MED1: variants seen among roughly 807,000 people sequenced by gnomAD.
MED1 encodes the protein mediator of RNA polymerase II transcription subunit 1.
A neutral mutation model predicts 121.3 loss-of-function variants in MED1; 17 were observed. That is an observed-to-expected ratio of 0.14 (90% CI 0.10 to 0.21). The LOEUF (loss-of-function observed/expected upper bound fraction) is 0.21, where lower values mean the gene tolerates loss of function less well. Ranked by LOEUF, MED1 falls within the 10% of genes least tolerant of loss-of-function variation. The pLI is 1.00. For synonymous variants in MED1, 661 were observed against 694.4 expected (o/e 0.95, Z 0.76); for missense variants, 1,558 against 1,919.4 (o/e 0.81, Z 3.52).
chr17:39,416,929 T>C (rs1031960303), intron 14 of MED1, among the ~76,000 whole-genome samples: 14 of 152,146 alleles, frequency 9.2e-5, no homozygotes, highest in African/African-American at 3.4e-4. Context: ...TCCAGCGACT[T>C]GAGGAGCCTG....
intron 2 of MED1, among the ~76,000 whole-genome samples, chr17:39,444,792 C>G (rs562221245): frequency 6.6e-6 from 1 of 152,032 alleles, no homozygotes; most frequent in South Asian, 2.1e-4. Flanking sequence ...TCGCTTGACC[C>G]GGGGATGCAG....
At chr17:39,431,291 T>C in intron 8 of MED1, 103 bp from the exon 9 acceptor site, 1 of 995,888 alleles carries the variant, frequency 1.0e-6, no homozygotes, top group Non-Finnish European at 1.5e-6. Flanking sequence ...CTTTTTTTTT[T>C]TTTGAGACGG....
Position 39,451,226 on chromosome 17 carries a change from G to C in MED1, c.-164C>G. On this transcript the variant is annotated 5_prime_UTR_variant, in exon 1 of 17. Coordinates refer to ENST00000300651, the MANE Select transcript of MED1 (RefSeq NM_004774.4). ...AGTCCCCGGCGGCAAGAAGAGAAGG[G>C]TGCTCGAGGCCGCCGCCATCTTCCC... 1 of 723,018 alleles carries C rather than the reference G, an allele frequency of 1.4e-6. No individual in the cohort carries two copies. Among genetic ancestry groups the C allele is most frequent in the African/African-American group, 1.8e-5 (1 of 54,434 alleles). 44.8% of individuals were successfully genotyped at this position (723,018 alleles called of 1,614,324 possible).
chr17:39,408,486 T>C lies in MED1; in HGVS notation c.3735A>G (p.Ser1245=), dbSNP rs540712723. ...AGCCTGAGGATCCTAACCCTGAAGA[T>C]GACTTCATGCCAGAGCTTGAACTAG... ...SGTSSSSGMK[S]SSGLGSSGSL... is the part of the protein sequence containing the mutation. The change falls in exon 17 of 17, where the codon TCA becomes TCG. Residue 1245 remains serine, a synonymous_variant. Transcript: ENST00000300651. The surrounding 1 kb of genome is among the most constrained non-coding windows in gnomAD (Gnocchi z 4.7). 3.0e-5 allele frequency: 49 copies of C among 1,614,190 alleles called. No homozygotes were observed. The highest frequency in any genetic ancestry group is 5.0e-5 in the Admixed American group (3 of 60,014).
intron 2 of MED1, among the ~76,000 whole-genome samples, chr17:39,447,242 T>C (rs1428514332): frequency 2.0e-5 from 3 of 151,768 alleles, no homozygotes; most frequent in Non-Finnish European, 4.4e-5. Flanking sequence ...AATATAAAAA[T>C]TAGCTGGGCG....
At chr17:39,442,105 GAA>G (rs574334906) in intron 3 of MED1, among the ~76,000 whole-genome samples, 1 of 102,412 alleles carries the variant, frequency 9.8e-6, no homozygotes, top group Non-Finnish European at 2.1e-5. Context: ...ACTGTCTCCA[GAA>G]AAAAAAAAAA....
At chr17:39,416,822 C>CA (rs1004949962) in intron 14 of MED1, among the ~76,000 whole-genome samples, 18 of 151,468 alleles carry the variant, frequency 1.2e-4, no homozygotes, top group African/African-American at 7.3e-5. Context: ...ACCATCTCTA[C>CA]AAAAAAAATG....
intron 16 of MED1, 46 bp from the exon 17 acceptor site, chr17:39,410,767 G>A: frequency 6.5e-7 from 1 of 1,543,570 alleles, no homozygotes; most frequent in Non-Finnish European, 8.7e-7. Flanking sequence ...AATAGCTGCT[G>A]AATGAGACCT....
At chr17:39,423,107 C>T (rs777768676) in intron 13 of MED1, among the ~76,000 whole-genome samples, 11 of 151,902 alleles carry the variant, frequency 7.2e-5, no homozygotes, top group East Asian at 1.9e-4. Context: ...CCTCACGATC[C>T]GCCTGCCTTG....
intron 10 of MED1, among the ~76,000 whole-genome samples, chr17:39,426,759 C>G (rs2048518532): frequency 6.6e-6 from 1 of 152,088 alleles, no homozygotes; most frequent in Non-Finnish European, 1.5e-5. Context: ...GTCTCGAACT[C>G]CTGACCTCAG....
intron 16 of MED1, among the ~76,000 whole-genome samples, chr17:39,413,936 A>T (rs1008617892): frequency 7.2e-5 from 8 of 111,534 alleles, no homozygotes; most frequent in African/African-American, 2.4e-4. Context: ...AAAAAAAAAA[A>T]ACAAAGCTGG....
Position 39,409,143 on chromosome 17 carries a change from A to G in MED1, c.3078T>C (p.Ser1026=). 1 of 1,614,178 alleles carries G rather than the reference A, an allele frequency of 6.2e-7. No individual in the cohort carries two copies. Among genetic ancestry groups the G allele is most frequent in the Non-Finnish European group, 8.5e-7 (1 of 1,180,040 alleles). The change falls in exon 17 of 17, where the codon TCT becomes TCC. Residue 1026 remains serine (S), a synonymous_variant. Transcript: ENST00000300651. ...TAGGTGGGGTAAAAGGTCTGTTAGA[A>G]GAACTATGAGATGGAGACTTTCCCT... ...DTEGKSPSHS[S]SNRPFTPPTS... is the part of the protein sequence containing the mutation.
chr17:39,448,365 G>C (rs985119968), intron 1 of MED1, among the ~76,000 whole-genome samples: 3 of 149,766 alleles, frequency 2.0e-5, no homozygotes, highest in Non-Finnish European at 4.4e-5. Flanking sequence ...GCGAAACACT[G>C]TCTCAAAAAA....
Position 39,410,212 on chromosome 17 carries a change from T to G in MED1, c.2009A>C (p.Asn670Thr), listed in dbSNP as rs1439532809. Residue 670 changes from asparagine to threonine, a missense_variant, in exon 17 of 17, where the codon AAC (asparagine) becomes ACC (threonine). Asn to Thr is a moderately conservative substitution (Grantham distance 65, BLOSUM62 0). This residue lies in a region of MED1 where 793 missense variants were observed against 898.2 expected (regional missense o/e 0.88). Transcript: ENST00000300651. ...LYGSSPLERQ[N>T]SSSGSPRMEI... ...CATGCGGGGTGAGCCGGAAGAGGAG[T>G]TCTGCCTTTCTAAAGGGCTGCTTCC... The G allele has an allele frequency of 6.2e-7, 1 of 1,613,832 alleles. No individual in the cohort carries two copies. Among genetic ancestry groups the G allele is most frequent in the Admixed American group, 1.7e-5 (1 of 59,950 alleles).
chr17:39,405,458 A>AT lies in MED1; in HGVS notation c.*2016_*2017insA. 4.3e-6 allele frequency: 6 copies of AT among 1,399,226 alleles called. No individual in the cohort carries two copies. The highest frequency in any genetic ancestry group is 1.7e-5 in the South Asian group (1 of 57,760). 86.7% of individuals were successfully genotyped at this position (1,399,226 alleles called of 1,614,324 possible). On this transcript the variant is annotated 3_prime_UTR_variant, in exon 17 of 17. Transcript: ENST00000300651. Reference sequence around the variant, plus strand: ...CAGAACAAATTTTAAAAACCACATAAATTTTTTTTTTTTTCCTGCAGAAAC... The same window carrying AT: ...CAGAACAAATTTTAAAAACCACATAATATTTTTTTTTTTTTCCTGCAGAAAC...
chr17:39,415,118 C>T lies in MED1; in HGVS notation c.1407G>A (p.Val469=), dbSNP rs1331116617. 6.2e-7 allele frequency: 1 copy of T among 1,614,052 alleles called. No homozygotes were observed. Among genetic ancestry groups the T allele is most frequent in the South Asian group, 1.1e-5 (1 of 91,080 alleles). Reference sequence around the variant, plus strand: ...TACAGCTCACATGTGTTGAGTCCTGCACATCCATTACCACTGAAAGACAAA... The same window carrying T: ...TACAGCTCACATGTGTTGAGTCCTGTACATCCATTACCACTGAAAGACAAA... The part of the protein sequence containing the change: ...NDSLVCVVMD[V]QDSTHVSCKL... The change falls in exon 16 of 17, where the codon GTG becomes GTA. Residue 469 remains valine, a synonymous_variant. Transcript: ENST00000300651.
rs1286654515 is a variant in MED1 at position 39,437,448 on chromosome 17, G to GT, written c.428+1716dup. Among the ~76,000 whole-genome samples, 3 of 152,134 alleles carry GT rather than the reference G, an allele frequency of 2.0e-5. No homozygotes were observed. In the East Asian group the frequency reaches 5.8e-4, roughly 29 times the overall value. ...ATTTTGTGCCCCAGGGGACATGGTT[G>GT]TAACAACTAAGGAGATACTACTAGC... On this transcript the variant is annotated intron_variant, in intron 6 of 16. Coordinates refer to ENST00000300651, the MANE Select transcript of MED1 (RefSeq NM_004774.4).
In MED1 at chr17:39,407,048, G is replaced by A. The variant is rs2048309044; in HGVS notation, c.*427C>T. The A allele has an allele frequency of 1.8e-5, 18 of 988,632 alleles. No homozygotes were observed. Among genetic ancestry groups the A allele is most frequent in the Non-Finnish European group, 2.0e-5 (17 of 831,982 alleles). 61.2% of individuals were successfully genotyped at this position (988,632 alleles called of 1,614,324 possible). ...AACAACCTTCATGCAAATGCATCAA[G>A]GAATGTATTGCTTTTTCATTTTCTG... On this transcript the variant is annotated 3_prime_UTR_variant, in exon 17 of 17. Transcript: ENST00000300651.
intron 3 of MED1, 145 bp downstream of exon 3, chr17:39,443,405 T>C: frequency 1.6e-6 from 1 of 630,938 alleles, no homozygotes; most frequent in Non-Finnish European, 2.8e-6. Context: ...AAAAGATCAT[T>C]CCAACTCCAT....
Sources: allele counts gnomAD v4.1 joint callset (sites outside exome capture counted in the v4.1 genomes callset), GRCh38; gene constraint gnomAD v4.1.1; regional missense constraint gnomAD v4.1.1; non-coding constraint Gnocchi (gnomAD v3.1); transcripts MANE v1.5; gene names NCBI Gene and HGNC (gene_info 2026-07-23, HGNC 2026-07-21).